Variants in MUC5B observed in about 807,000 individuals in gnomAD.
MUC5B encodes mucin 5B, oligomeric mucus/gel-forming, also known as mucin-5B.
Under a neutral mutation model 376.9 loss-of-function variants are expected in MUC5B, and 116 were observed. The observed-to-expected ratio is 0.31, with a 90% CI of 0.26 to 0.36. MUC5B has a LOEUF of 0.36. Among genes scored for constraint, MUC5B ranks in the 10% least tolerant of loss-of-function variants. The pLI is 1.00. For missense variants in MUC5B, 7,165 were observed against 7,769.9 expected (o/e 0.92, Z 2.93); for synonymous variants, 3,517 against 3,390.9 (o/e 1.04, Z -1.29).
At position 1,260,105 on chromosome 11, in the gene MUC5B, C is replaced by G. The variant is rs1054821318; in HGVS notation, c.16923+20C>G. 6.2e-7 allele frequency: 1 copy of G among 1,610,976 alleles called. No individual in the cohort carries two copies. The highest frequency in any genetic ancestry group is 2.2e-5 in the East Asian group (1 of 44,858). On this transcript the variant is annotated intron_variant, in intron 46 of 48. Coordinates refer to ENST00000529681, the MANE Select transcript of MUC5B (RefSeq NM_002458.3). ...TGCAGGGTGTGTGCTGGAGGCCCTG[C>G]CCCTGCCTGGGAGTCCTTGTCCATC...
At chr11:1,256,481 C>A in intron 38 of MUC5B, 190 bp from the exon 39 acceptor site, 2 of 504,496 alleles carry the variant, frequency 4.0e-6, no homozygotes. Flanking sequence ...CATCCCCGCC[C>A]ATACTTAGCC....
At chr11:1,226,910 G>T in intron 4 of MUC5B, 34 bp downstream of exon 4, 1 of 1,597,842 alleles carries the variant, frequency 6.3e-7, no homozygotes, top group South Asian at 1.1e-5. Context: ...GGCGAGGGCC[G>T]GGCCACACAG....
rs754020237 is a variant in MUC5B, at chr11:1,246,324, T to C, written c.9444T>C (p.Thr3148=). ...LTTAATTTAA[T]GPTATPSSTP... ...CAGCAGCCACTACAACTGCAGCCACTGGCCCCACGGCCACCCCGTCCTCCA... is the reference window on the plus strand; with the variant it reads ...CAGCAGCCACTACAACTGCAGCCACCGGCCCCACGGCCACCCCGTCCTCCA... Residue 3148 remains threonine, a synonymous_variant, in exon 31 of 49, where the codon ACT becomes ACC. Transcript: ENST00000529681. 3.7e-6 allele frequency: 6 copies of C among 1,600,486 alleles called. No individual in the cohort carries two copies. In the South Asian group the frequency reaches 5.6e-5, roughly 15 times the overall value.
chr11:1,228,676 C>A lies in MUC5B; in HGVS notation c.887C>A (p.Thr296Asn). 1.3e-6 allele frequency: 2 copies of A among 1,534,468 alleles called. No homozygotes were observed. Among genetic ancestry groups the A allele is most frequent in the Admixed American group, 2.0e-5 (1 of 50,950 alleles). Reference protein sequence around the residue: ...ACAQDLCRCPTCPCATFVEYS... With the variant: ...ACAQDLCRCPNCPCATFVEYS... ...GCCCAGGACCTGTGCCGCTGCCCCA[C>A]CTGCCCGTGTGCCACCTTTGTGGAA... The change falls in exon 8 of 49, where the codon ACC (threonine) becomes AAC (asparagine). Residue 296 changes from threonine to asparagine, a missense_variant. Coordinates refer to ENST00000529681, the MANE Select transcript of MUC5B (RefSeq NM_002458.3).
chr11:1,246,468 G>C lies in MUC5B; in HGVS notation c.9588G>C (p.Leu3196=), dbSNP rs1390662897. ...TRATAGTLKV[L]TSTATTPTVI... ...CAACTGCTGGCACCCTCAAAGTGCT[G>C]ACCAGCACGGCCACCACACCCACAG... is the stretch of plus-strand genomic sequence containing the variant. Residue 3196 remains leucine, a synonymous_variant, in exon 31 of 49, where the codon CTG becomes CTC. Coordinates refer to ENST00000529681, the MANE Select transcript of MUC5B (RefSeq NM_002458.3). 1.2e-6 allele frequency: 2 copies of C among 1,613,166 alleles called. No individual in the cohort carries two copies. Among genetic ancestry groups the C allele is most frequent in the South Asian group, 2.2e-5 (2 of 91,016 alleles).
rs1590190975 is a variant in MUC5B at position 1,254,330 on chromosome 11, G to A, written c.15456G>A (p.Val5152=). 6.2e-7 allele frequency: 1 copy of A among 1,604,202 alleles called. No homozygotes were observed. Among genetic ancestry groups the A allele is most frequent in the Non-Finnish European group, 8.5e-7 (1 of 1,179,736 alleles). ...SMDIVLTVTM[V]HGKEEGLILF... is the part of the protein sequence containing the mutation. ...ATATCGTCCTCACTGTCACCATGGT[G>A]CATGGGAAGGAGGAGGGCCTGGTGA... is the stretch of plus-strand genomic sequence containing the variant. Residue 5152 remains valine (V), a synonymous_variant, in exon 34 of 49, where the codon GTG becomes GTA. Coordinates refer to ENST00000529681, the MANE Select transcript of MUC5B (RefSeq NM_002458.3).
Position 1,252,866 on chromosome 11 carries a change from C to G in MUC5B, c.15103C>G (p.Arg5035Gly). Residue 5035 changes from arginine to glycine, a missense_variant, in exon 33 of 49, where the codon CGT (arginine) becomes GGT (glycine). Physicochemically the swap from Arg to Gly is moderately radical, Grantham distance 125 (BLOSUM62 -2). Transcript: ENST00000529681. ...GGTGGCCAGGTGCGTGGGTGACAAC[C>G]GTGTCGTCCTGCTGGACCCAAAGCC... ...CTVARCVGDN[R>G]VVLLDPKPVA... 1.2e-6 allele frequency: 2 copies of G among 1,612,480 alleles called. No homozygotes were observed. The highest frequency in any genetic ancestry group is 1.7e-6 in the Non-Finnish European group (2 of 1,179,792).
In MUC5B at chr11:1,258,749, C is replaced by A. The variant is rs752510141; in HGVS notation, c.16594-193C>A. ...TGCCCACATGGGGTCTCTGCCTGCCCAGATTCCCTGCCCACCTGTGGTCCC... is the reference window on the plus strand; with the variant it reads ...TGCCCACATGGGGTCTCTGCCTGCCAAGATTCCCTGCCCACCTGTGGTCCC... On this transcript the variant is annotated intron_variant, in intron 43 of 48. Transcript: ENST00000529681. The surrounding 1 kb of genome is among the most constrained non-coding windows in gnomAD (Gnocchi z 5.5). Among the ~76,000 whole-genome samples the A allele has an allele frequency of 1.3e-5, 2 of 152,052 alleles. No individual in the cohort carries two copies. Among genetic ancestry groups the A allele is most frequent in the Non-Finnish European group, 2.9e-5 (2 of 67,976 alleles).
intron 23 of MUC5B, 36 bp downstream of exon 23, chr11:1,235,449 T>C (rs1862136129): frequency 6.4e-7 from 1 of 1,565,650 alleles, no homozygotes; most frequent in African/African-American, 1.4e-5. Context: ...CCCCCGACCC[T>C]GCAGCCAACG....
Position 1,247,671 on chromosome 11 carries a change from C to G in MUC5B, c.10791C>G (p.Thr3597=), listed in dbSNP as rs1862532827. 1 of 1,599,094 alleles carries G rather than the reference C, an allele frequency of 6.3e-7. No individual in the cohort carries two copies. Among genetic ancestry groups the G allele is most frequent in the Non-Finnish European group, 8.5e-7 (1 of 1,171,238 alleles). The change falls in exon 31 of 49, where the codon ACC becomes ACG. Residue 3597 remains threonine (T), a synonymous_variant. Transcript: ENST00000529681. The part of the protein sequence containing the change: ...MPGPSGGDFD[T]YSNIRAAGGA... The stretch of plus-strand genomic sequence containing the variant: ...GGCCCTCTGGCGGGGACTTTGACAC[C>G]TACTCCAACATCCGTGCGGCCGGAG...
rs1862901007 is a variant in MUC5B, at chr11:1,258,334, T to C, written c.16560T>C (p.Pro5520=). ...GDCCPTFRCR[P]QLCSYNGTFY... ...CTTAGCTCCCTTTCCTTCCAGGACC[T>C]CAGCTGTGTTCGTACAATGGCACCT... The change falls in exon 43 of 49, where the codon CCT becomes CCC. Residue 5520 remains proline (P), a synonymous_variant. Coordinates refer to ENST00000529681, the MANE Select transcript of MUC5B (RefSeq NM_002458.3). This position sits in a 1 kb window ranked among gnomAD's most constrained non-coding sequence, Gnocchi z 5.5. 1 of 1,612,098 alleles carries C rather than the reference T, an allele frequency of 6.2e-7. No individual in the cohort carries two copies. The highest frequency in any genetic ancestry group is 1.3e-5 in the African/African-American group (1 of 75,036).
chr11:1,236,312 G>T, intron 23 of MUC5B, 74 bp from the exon 24 acceptor site: 1 of 1,464,200 alleles, frequency 6.8e-7, no homozygotes. Context: ...GCACTGGGTG[G>T]GGCATCCCTG....
rs56368888 is a variant in MUC5B at position 1,251,567 on chromosome 11, G to T, written c.14687G>T (p.Ser4896Ile). Residue 4896 changes from serine to isoleucine, a missense_variant, in exon 31 of 49, where the codon AGC becomes ATC. This residue lies in a region of MUC5B where 730 missense variants were observed against 592.7 expected (regional missense o/e 1.23). Transcript: ENST00000529681. ...MPTATASTVP[S>I]SSTVGTTRTP... ...ACAGCCACTGCCTCCACGGTTCCCA[G>T]CTCGTCCACCGTGGGGACCACCCGC... 12,503 of 1,612,442 alleles carry T rather than the reference G, an allele frequency of 7.8e-3. 74 individuals are homozygous for T. Among genetic ancestry groups the T allele is most frequent in the Non-Finnish European group, 8.9e-3 (10,498 of 1,179,540 alleles).
At position 1,247,688 on chromosome 11, in the gene MUC5B, C is replaced by T. The variant is rs199536074; in HGVS notation, c.10808C>T (p.Ala3603Val). The change falls in exon 31 of 49, where the codon GCG becomes GTG. Residue 3603 changes from alanine (A) to valine (V), a missense_variant. Around this residue, in one of 31 missense-constraint regions of MUC5B, gnomAD observed 81 missense variants for 154.5 expected, o/e 0.52. Coordinates refer to ENST00000529681, the MANE Select transcript of MUC5B (RefSeq NM_002458.3). ...GDFDTYSNIR[A>V]AGGAVCEQPL... ...TTTGACACCTACTCCAACATCCGTGCGGCCGGAGGGGCAGTCTGTGAGCAG... is the reference window on the plus strand; with the variant it reads ...TTTGACACCTACTCCAACATCCGTGTGGCCGGAGGGGCAGTCTGTGAGCAG... 180 of 1,586,892 alleles carry T rather than the reference C, an allele frequency of 1.1e-4. 7 individuals are homozygous for T. In the African/African-American group the frequency reaches 1.6e-3, roughly 14 times the overall value.
In MUC5B at chr11:1,251,421, C is replaced by A; in HGVS notation, c.14541C>A (p.Ile4847=). 6.2e-7 allele frequency: 1 copy of A among 1,612,710 alleles called. No homozygotes were observed. Among genetic ancestry groups the A allele is most frequent in the African/African-American group, 1.3e-5 (1 of 75,014 alleles). The change falls in exon 31 of 49, where the codon ATC becomes ATA. Residue 4847 remains isoleucine (I), a synonymous_variant. Coordinates refer to ENST00000529681, the MANE Select transcript of MUC5B (RefSeq NM_002458.3). ...CCTCCACCCCAGGGACCACCTGGAT[C>A]CTCACAGAGCCGAGCACTATAGCCA... ...TLSSTPGTTW[I]LTEPSTIATV...
rs115411367 is a variant in MUC5B at position 1,231,261 on chromosome 11, G to A, written c.1541-162G>A. Among the ~76,000 whole-genome samples, 590 of 152,286 alleles carry A rather than the reference G, an allele frequency of 3.9e-3. 3 individuals carry two copies. The highest frequency in any genetic ancestry group is 0.013 in the African/African-American group (548 of 41,542). On this transcript the variant is annotated intron_variant, in intron 13 of 48. Coordinates refer to ENST00000529681, the MANE Select transcript of MUC5B (RefSeq NM_002458.3). ...CGGTCTCCACCTGAGCCCACTTGGC[G>A]GCCACAGGCATGGGACAGGGAGCCT...
chr11:1,238,821 GC>G (rs1342505848), intron 25 of MUC5B, 49 bp from the exon 26 acceptor site: 1 of 1,531,018 alleles, frequency 6.5e-7, no homozygotes. Flanking sequence ...CCACCCCCTG[GC>G]CGGGGGGGCC....
chr11:1,249,991 A>T lies in MUC5B; in HGVS notation c.13111A>T (p.Thr4371Ser). 3 of 1,379,226 alleles carry T rather than the reference A, an allele frequency of 2.2e-6. No homozygotes were observed. The highest frequency in any genetic ancestry group is 2.0e-6 in the Non-Finnish European group (2 of 1,017,936). The allele number at this position is 1,379,226 out of a possible 1,614,324, so 85.4% of individuals were successfully genotyped here. The change falls in exon 31 of 49, where the codon ACC becomes TCC. Residue 4371 changes from threonine (T) to serine (S), a missense_variant. By Grantham distance (58) the Thr-to-Ser change is moderately conservative. Around this residue, in one of 31 missense-constraint regions of MUC5B, gnomAD observed 431 missense variants for 390.4 expected, o/e 1.10. Coordinates refer to ENST00000529681, the MANE Select transcript of MUC5B (RefSeq NM_002458.3). ...CTCCACAGTGCTGACCACGAAGGCC[A>T]CCACGACAAGGGCCACCAGTTCCAC... ...HTSTVLTTKA[T>S]TTRATSSTST... is the part of the protein sequence containing the mutation.
intron 1 of MUC5B, 90 bp from the exon 2 acceptor site, chr11:1,225,591 C>T (rs866741949): frequency 3.3e-5 from 40 of 1,216,580 alleles, no homozygotes; most frequent in African/African-American, 1.8e-4. Context: ...ATGCGGCTGC[C>T]GCACCAGGGA....
Sources: allele counts gnomAD v4.1 joint callset (sites outside exome capture counted in the v4.1 genomes callset), GRCh38; gene constraint gnomAD v4.1.1; regional missense constraint gnomAD v4.1.1; non-coding constraint Gnocchi (gnomAD v3.1); transcripts MANE v1.5; gene names NCBI Gene and HGNC (gene_info 2026-07-23, HGNC 2026-07-21).